STAG1: variants seen among roughly 807,000 people sequenced by gnomAD.
STAG1 encodes cohesin subunit SA-1.
STAG1 carries 26 observed loss-of-function variants against 170.9 expected under a neutral mutation model. The observed-to-expected ratio is 0.15, with a 90% CI of 0.11 to 0.21. STAG1 has a LOEUF of 0.21. Ranked by LOEUF, STAG1 falls within the 10% of genes least tolerant of loss-of-function variation. The probability of loss-of-function intolerance (pLI) is 1.00; values close to 1 mark genes in which losing one functional copy is unlikely to be tolerated. For missense variants in STAG1, 964 were observed against 1,509.5 expected, an observed-to-expected ratio of 0.64 and a Z score of 5.99; for synonymous variants, 514 against 497.7, an observed-to-expected ratio of 1.03 and a Z score of -0.44.
intron 1 of STAG1, among the ~76,000 whole-genome samples, chr3:136,708,897 G>A (rs912897824): frequency 6.6e-6 from 1 of 150,606 alleles, no homozygotes; most frequent in Non-Finnish European, 1.5e-5. Context: ...CTCAACCTTC[G>A]AGGCTGAATC....
intron 1 of STAG1, among the ~76,000 whole-genome samples, chr3:136,691,186 A>C (rs568713500): frequency 6.6e-6 from 1 of 152,192 alleles, no homozygotes; most frequent in East Asian, 1.9e-4. Flanking sequence ...CTGTAATCCC[A>C]GCACTTTGGG....
chr3:136,736,922 G>T, intron 1 of STAG1: 1 of 1,589,762 alleles, frequency 6.3e-7, no homozygotes. Flanking sequence ...TGATCTAGTA[G>T]CAACTTGTAA....
At chr3:136,667,636 C>T (rs1018302000) in intron 1 of STAG1, among the ~76,000 whole-genome samples, 1 of 152,060 alleles carries the variant, frequency 6.6e-6, no homozygotes. Flanking sequence ...GCTGGAGTTA[C>T]AGGCACATGC....
At chr3:136,530,724 G>C (rs1426798138) in intron 6 of STAG1, among the ~76,000 whole-genome samples, 1 of 152,044 alleles carries the variant, frequency 6.6e-6, no homozygotes, top group Non-Finnish European at 1.5e-5. Context: ...AATGAAAGTG[G>C]AAACACAACA....
intron 6 of STAG1, among the ~76,000 whole-genome samples, chr3:136,522,912 G>A (rs1934759648): frequency 1.3e-5 from 2 of 152,034 alleles, no homozygotes; most frequent in Admixed American, 1.3e-4. Flanking sequence ...CATTTTTTAT[G>A]GCTGCATATT....
rs1271164106 is a variant in STAG1, at chr3:136,337,299, C to CATG, written c.*952_*954dup. 6.6e-6 allele frequency: 1 copy of CATG among 152,554 alleles called. No individual in the cohort carries two copies. The highest frequency in any genetic ancestry group is 1.5e-5 in the Non-Finnish European group (1 of 68,018). The allele number at this position is 152,554 out of a possible 1,614,324, so 9.5% of individuals were successfully genotyped here. On this transcript the variant is annotated 3_prime_UTR_variant, in exon 34 of 34. Coordinates refer to ENST00000383202, the MANE Select transcript of STAG1 (RefSeq NM_005862.3). Reference sequence around the variant, plus strand: ...TTGAATGATTGATAAAGGATTTCTTCATGATTGATTATCTTAAGAAAATGG... The same window carrying CATG: ...TTGAATGATTGATAAAGGATTTCTTCATGATGATTGATTATCTTAAGAAAATGG...
intron 1 of STAG1, among the ~76,000 whole-genome samples, chr3:136,726,387 G>C (rs1933690649): frequency 6.6e-6 from 1 of 152,128 alleles, no homozygotes; most frequent in African/African-American, 2.4e-5. Flanking sequence ...ATGTCCCCTG[G>C]GAAGCAAAAT....
chr3:136,546,216 A>G (rs1010565842), intron 5 of STAG1, among the ~76,000 whole-genome samples: 2 of 152,212 alleles, frequency 1.3e-5, no homozygotes, highest in Non-Finnish European at 2.9e-5. Context: ...AATGTTGTTC[A>G]CGTAAGACTT....
intron 4 of STAG1, among the ~76,000 whole-genome samples, chr3:136,570,494 T>A (rs545713427): frequency 2.0e-5 from 3 of 152,246 alleles, no homozygotes; most frequent in African/African-American, 7.2e-5. Flanking sequence ...AATAAAACTG[T>A]TATGTACACA....
At chr3:136,457,342 G>A (rs1053523790) in intron 13 of STAG1, among the ~76,000 whole-genome samples, 1 of 152,120 alleles carries the variant, frequency 6.6e-6, no homozygotes, top group Non-Finnish European at 1.5e-5. Flanking sequence ...TCAAGCAGCA[G>A]AGCATATTTT....
chr3:136,486,529 C>T (rs547923543), intron 9 of STAG1, among the ~76,000 whole-genome samples: 11 of 152,210 alleles, frequency 7.2e-5, no homozygotes, highest in African/African-American at 1.9e-4. Flanking sequence ...GTATCTCTGC[C>T]GAGGATCCAT....
chr3:136,464,829 C>T (rs544000375), intron 13 of STAG1, 52 bp downstream of exon 13: 6 of 1,468,486 alleles, frequency 4.1e-6, no homozygotes, highest in Admixed American at 2.0e-5. Context: ...TCTAAAACAA[C>T]AAGAAAACAA....
At chr3:136,549,846 T>C (rs1022978404) in intron 5 of STAG1, among the ~76,000 whole-genome samples, 1 of 152,180 alleles carries the variant, frequency 6.6e-6, no homozygotes, top group Non-Finnish European at 1.5e-5. Flanking sequence ...TTTTCCTCTA[T>C]TCCTAGTTTG....
intron 9 of STAG1, among the ~76,000 whole-genome samples, chr3:136,490,489 G>A (rs1464494539): frequency 6.6e-6 from 1 of 152,090 alleles, no homozygotes. Flanking sequence ...ATGGCTATCT[G>A]TTACCCTGCA....
chr3:136,467,601 G>A (rs2089503244), intron 12 of STAG1, among the ~76,000 whole-genome samples: 2 of 152,150 alleles, frequency 1.3e-5, no homozygotes, highest in African/African-American at 4.8e-5. Flanking sequence ...ACAGATCGAT[G>A]AGACAGAAAG....
At chr3:136,565,520 T>C (rs892765297) in intron 5 of STAG1, among the ~76,000 whole-genome samples, 4 of 152,174 alleles carry the variant, frequency 2.6e-5, no homozygotes, top group Non-Finnish European at 4.4e-5. Flanking sequence ...TTTAAAACTA[T>C]AAAATAACAA....
Position 136,468,918 on chromosome 3 carries a change from C to T in STAG1, c.1205+3495G>A, listed in dbSNP as rs2089547643. Among the ~76,000 whole-genome samples, 7 of 152,100 alleles carry T rather than the reference C, an allele frequency of 4.6e-5. No individual in the cohort carries two copies. The South Asian group carries it at 1.2e-3, about 27-fold the overall frequency. On this transcript the variant is annotated intron_variant, in intron 12 of 33. Coordinates refer to ENST00000383202, the MANE Select transcript of STAG1 (RefSeq NM_005862.3). ...TTATCTCAATACATGCAGAAAAGGC[C>T]TTTGACAAAATTCAACAACGCTTCA...
At chr3:136,738,952 T>G (rs1934502977) in intron 1 of STAG1, among the ~76,000 whole-genome samples, 1 of 152,076 alleles carries the variant, frequency 6.6e-6, no homozygotes, top group South Asian at 2.1e-4. Context: ...AAAAAAAGAC[T>G]CTAAACTGTA....
Position 136,376,008 on chromosome 3 carries a change from A to ATAAT in STAG1, c.2370+1648_2370+1651dup, listed in dbSNP as rs1229648045. 1.9e-3 allele frequency among the ~76,000 whole-genome samples: 253 copies of ATAAT among 133,288 alleles called. 1 individual carries two copies. The highest frequency in any genetic ancestry group is 3.3e-3 in the African/African-American group (116 of 34,662). 87.4% of individuals were successfully genotyped at this position (133,288 alleles called of 152,430 possible). ...AATAAATAAATAAATAAATAAATAA[A>ATAAT]TAATTAACAAAATAAAATAAAATAA... On this transcript the variant is annotated intron_variant, in intron 23 of 33. Transcript: ENST00000383202.
Sources: gnomAD v4.1 joint callset for allele counts (sites outside exome capture counted in the v4.1 genomes callset) on GRCh38, gnomAD v4.1.1 for gene constraint, MANE v1.5 for transcripts, NCBI Gene and HGNC (gene_info 2026-07-23, HGNC 2026-07-21) for gene names.